TMX3: variants seen among roughly 807,000 people sequenced by gnomAD.
The protein encoded by TMX3 is protein disulfide-isomerase TMX3.
TMX3 carries 40 observed loss-of-function variants against 64.4 expected under a neutral mutation model. The observed-to-expected ratio is 0.62, with a 90% CI of 0.48 to 0.81. The LOEUF is 0.81. TMX3 is among the 30% of genes least tolerant of loss of function. The pLI is 0.00. For missense variants in TMX3, 497 were observed against 534.5 expected (o/e 0.93, Z 0.69); for synonymous variants, 189 against 175.7 (o/e 1.08, Z -0.60).
chr18:68,675,561 T>C lies in TMX3; in HGVS notation c.*1372A>G, dbSNP rs1912859203. 1 of 152,156 alleles carries C rather than the reference T, an allele frequency of 6.6e-6. No homozygotes were observed. Among genetic ancestry groups the C allele is most frequent in the Admixed American group, 6.6e-5 (1 of 15,252 alleles). 9.4% of individuals were successfully genotyped at this position (152,156 alleles called of 1,614,324 possible). A position where few individuals can be genotyped will look rare whatever the true frequency, so the allele number is the denominator to read the frequency against. On this transcript the variant is annotated 3_prime_UTR_variant, in exon 16 of 16. Transcript: ENST00000299608. ...GTCAGTGTCCAGACCATGAATTACATATTTTTTGACCATGCATTACATTAT... is the reference window on the plus strand; with the variant it reads ...GTCAGTGTCCAGACCATGAATTACACATTTTTTGACCATGCATTACATTAT...
At chr18:68,685,522 T>A (rs1913860110) in intron 10 of TMX3, among the ~76,000 whole-genome samples, 1 of 152,224 alleles carries the variant, frequency 6.6e-6, no homozygotes, top group Admixed American at 6.5e-5. Flanking sequence ...GTTCGTGAGT[T>A]TTTTTCAAAA....
intron 9 of TMX3, 176 bp from the exon 10 acceptor site, chr18:68,687,941 A>G (rs996337551): frequency 2.5e-5 from 10 of 397,044 alleles, no homozygotes; most frequent in Non-Finnish European, 4.4e-5. Flanking sequence ...TTAATGCACA[A>G]AGCAATCTTC....
intron 4 of TMX3, 125 bp downstream of exon 4, chr18:68,709,896 T>G: frequency 1.1e-6 from 1 of 874,518 alleles, no homozygotes; most frequent in South Asian, 2.3e-5. Context: ...GTATACAGTC[T>G]TAAATTATTA....
intron 4 of TMX3, among the ~76,000 whole-genome samples, chr18:68,703,947 A>C (rs1210897770): frequency 6.6e-6 from 1 of 151,980 alleles, no homozygotes; most frequent in Non-Finnish European, 1.5e-5. Context: ...ACAAACAAAC[A>C]AACAAAAATT....
At chr18:68,704,292 T>A (rs1410568890) in intron 4 of TMX3, among the ~76,000 whole-genome samples, 1 of 152,242 alleles carries the variant, frequency 6.6e-6, no homozygotes, top group African/African-American at 2.4e-5. Flanking sequence ...CTGGCGTTAA[T>A]ATTTTAAAAT....
intron 4 of TMX3, among the ~76,000 whole-genome samples, chr18:68,707,131 G>T (rs1440480555): frequency 6.6e-6 from 1 of 151,826 alleles, no homozygotes; most frequent in Admixed American, 6.6e-5. Flanking sequence ...TCCTAACATG[G>T]TAAGCACATT....
chr18:68,679,764 C>T (rs971411648), intron 14 of TMX3, among the ~76,000 whole-genome samples: 3 of 152,158 alleles, frequency 2.0e-5, no homozygotes, highest in African/African-American at 7.2e-5. Context: ...AATTCCTCCT[C>T]CTCTATTCAT....
At chr18:68,693,351 C>G (rs1914716372) in intron 8 of TMX3, among the ~76,000 whole-genome samples, 2 of 152,092 alleles carry the variant, frequency 1.3e-5, no homozygotes, top group African/African-American at 4.8e-5. Flanking sequence ...CCCCACGCTC[C>G]CGGGTATAGC....
chr18:68,696,877 AACACAC>A (rs35563490), intron 8 of TMX3: 5 of 168,006 alleles, frequency 3.0e-5, no homozygotes, highest in Non-Finnish European at 5.0e-5. Context: ...CTGTATCTGC[AACACAC>A]ACACACACAC....
chr18:68,701,472 C>A, intron 5 of TMX3: 1 of 476,734 alleles, frequency 2.1e-6, no homozygotes, highest in Non-Finnish European at 3.5e-6. Flanking sequence ...GGGTAAAAGA[C>A]CTTTCATAAT....
chr18:68,710,295 A>C lies in TMX3; in HGVS notation c.142-151T>G, dbSNP rs141732138. The C allele has an allele frequency of 9.6e-4, 733 of 766,044 alleles. 6 individuals carry two copies. The East Asian group carries it at 0.018, about 19-fold the overall frequency. 47.5% of individuals were successfully genotyped at this position (766,044 alleles called of 1,614,324 possible). A position where few individuals can be genotyped will look rare whatever the true frequency, so the allele number is the denominator to read the frequency against. ...GAAGTTTAAATATAATTTTTAAAGT[A>C]GATACATAATGAAAGATCAAAACAT... is the stretch of plus-strand genomic sequence containing the variant. On this transcript the variant is annotated intron_variant, in intron 3 of 15. Coordinates refer to ENST00000299608, the MANE Select transcript of TMX3 (RefSeq NM_019022.5).
chr18:68,688,374 C>CT (rs1461479710), intron 9 of TMX3: 1 of 152,090 alleles, frequency 6.6e-6, no homozygotes, highest in Non-Finnish European at 1.5e-5. Context: ...AGTACCTTAG[C>CT]TTTTTTCCAA....
At chr18:68,692,184 G>A (rs1914589383) in intron 8 of TMX3, among the ~76,000 whole-genome samples, 1 of 152,124 alleles carries the variant, frequency 6.6e-6, no homozygotes, top group Non-Finnish European at 1.5e-5. Flanking sequence ...GAGCTCTTAG[G>A]TAAGGCTCTA....
At chr18:68,713,767 A>T in intron 2 of TMX3, 79 bp downstream of exon 2, 1 of 732,780 alleles carries the variant, frequency 1.4e-6, no homozygotes, top group Non-Finnish European at 2.0e-6. Context: ...AATCTAAAAT[A>T]TTAGAATCAC....
In TMX3 at chr18:68,715,075, C is replaced by G. The variant is rs866505028; in HGVS notation, c.-94G>C. The G allele has an allele frequency of 6.5e-7, 1 of 1,540,746 alleles. No individual in the cohort carries two copies. The highest frequency in any genetic ancestry group is 8.8e-7 in the Non-Finnish European group (1 of 1,141,536). On this transcript the variant is annotated 5_prime_UTR_variant, in exon 1 of 16. Coordinates refer to ENST00000299608, the MANE Select transcript of TMX3 (RefSeq NM_019022.5). ...GCCCGCCCGGAAAGGGAAACGGAGCCGACCCGGAGCGGAAGAGAAGCACCG... is the reference window on the plus strand; with the variant it reads ...GCCCGCCCGGAAAGGGAAACGGAGCGGACCCGGAGCGGAAGAGAAGCACCG...
chr18:68,713,774 TC>T, intron 2 of TMX3, 71 bp downstream of exon 2: 1 of 758,412 alleles, frequency 1.3e-6, no homozygotes, highest in East Asian at 3.3e-5. Context: ...AATATTAGAA[TC>T]ACATGCAAAT....
At chr18:68,679,110 T>G (rs2145004816) in intron 15 of TMX3, among the ~76,000 whole-genome samples, 1 of 152,126 alleles carries the variant, frequency 6.6e-6, no homozygotes, top group South Asian at 2.1e-4. Flanking sequence ...AATGACCAAT[T>G]TACAGAAGAC....
At chr18:68,698,711 A>G (rs185513591) in intron 6 of TMX3, among the ~76,000 whole-genome samples, 1,677 of 152,212 alleles carry the variant, frequency 0.011, 12 homozygotes, top group African/African-American at 0.017. Context: ...CAATTATAAA[A>G]TATCATTAAA....
chr18:68,702,740 T>G (rs771450696), intron 4 of TMX3, among the ~76,000 whole-genome samples: 3 of 152,198 alleles, frequency 2.0e-5, no homozygotes, highest in African/African-American at 4.8e-5. Flanking sequence ...AGCTACTACA[T>G]CTGAATTCCA....
Sources: allele counts gnomAD v4.1 joint callset (sites outside exome capture counted in the v4.1 genomes callset), GRCh38; gene constraint gnomAD v4.1.1; transcripts MANE v1.5; gene names NCBI Gene and HGNC (gene_info 2026-07-23, HGNC 2026-07-21).